NCOR1: variants seen among roughly 807,000 people sequenced by gnomAD.
NCOR1 encodes the protein protein phosphatase 1, regulatory subunit 109.
Under a neutral mutation model 288.1 loss-of-function variants are expected in NCOR1, and 63 were observed. That is an observed-to-expected ratio of 0.22 (90% CI 0.18 to 0.27). The LOEUF (loss-of-function observed/expected upper bound fraction) is 0.27, where lower values mean the gene tolerates loss of function less well. NCOR1 is among the 10% of genes least tolerant of loss of function. NCOR1 has a pLI of 1.00. For missense variants in NCOR1, 2,397 were observed against 3,019.2 expected (o/e 0.79, Z 4.83); for synonymous variants, 1,007 against 1,065.9 (o/e 0.94, Z 1.08).
intron 42 of NCOR1, among the ~76,000 whole-genome samples, chr17:16,043,438 G>A (rs2058098200): frequency 6.6e-6 from 1 of 152,168 alleles, no homozygotes; most frequent in Non-Finnish European, 1.5e-5. Flanking sequence ...AAGCAATTCT[G>A]TTAGTACTTC....
At chr17:16,203,461 C>T (rs1432264946) in intron 1 of NCOR1, among the ~76,000 whole-genome samples, 1 of 152,166 alleles carries the variant, frequency 6.6e-6, no homozygotes, top group African/African-American at 2.4e-5. Flanking sequence ...AGGTGGCTAG[C>T]TCCTCCTCAA....
At chr17:16,073,891 T>C (rs1444767326) in intron 27 of NCOR1, among the ~76,000 whole-genome samples, 5 of 152,204 alleles carry the variant, frequency 3.3e-5, no homozygotes, top group African/African-American at 4.8e-5. Flanking sequence ...TAATGTGCTA[T>C]GAAAATGCTA....
intron 45 of NCOR1, among the ~76,000 whole-genome samples, chr17:16,032,725 G>T (rs540089284): frequency 1.3e-5 from 2 of 152,354 alleles, no homozygotes; most frequent in South Asian, 4.1e-4. Flanking sequence ...AGTGAGGGCT[G>T]CTGAGCCCAG....
At chr17:16,193,672 C>T (rs1309748706) in intron 2 of NCOR1, among the ~76,000 whole-genome samples, 1 of 152,140 alleles carries the variant, frequency 6.6e-6, no homozygotes, top group Non-Finnish European at 1.5e-5. Flanking sequence ...CAGAAAGCAA[C>T]CTCTTCAACC....
Position 16,039,508 on chromosome 17 carries a change from G to C in NCOR1, c.6880C>G (p.Pro2294Ala). 6.2e-7 allele frequency: 1 copy of C among 1,614,022 alleles called. No individual in the cohort carries two copies. The highest frequency in any genetic ancestry group is 8.5e-7 in the Non-Finnish European group (1 of 1,179,990). Reference sequence around the variant, plus strand: ...ACAACTGAGGTGTTGGCAGTACCAGGCACTACTCCCATAGGCTGGGACATG... The same window carrying C: ...ACAACTGAGGTGTTGGCAGTACCAGCCACTACTCCCATAGGCTGGGACATG... ...VVMSQPMGVV[P>A]GTANTSVVTS... Residue 2294 changes from proline to alanine, a missense_variant, in exon 44 of 46, where the codon CCT becomes GCT. This residue lies in a region of NCOR1 where 1,872 missense variants were observed against 2,187.8 expected (regional missense o/e 0.86). Coordinates refer to ENST00000268712, the MANE Select transcript of NCOR1 (RefSeq NM_006311.4).
At chr17:16,109,491 CT>C in intron 18 of NCOR1, among the ~76,000 whole-genome samples, 1 of 152,106 alleles carries the variant, frequency 6.6e-6, no homozygotes, top group East Asian at 1.9e-4. Flanking sequence ...GAACATATCA[CT>C]GTTACAAATT....
Position 16,093,025 on chromosome 17 carries a change from T to C in NCOR1, c.2821-967A>G, listed in dbSNP as rs185627319. ...GGCAGATCACATCCATTTATGTTGA[T>C]TTAAATGTCATCCATTTGTTAATGA... On this transcript the variant is annotated intron_variant, in intron 21 of 45. Transcript: ENST00000268712. Among the ~76,000 whole-genome samples the C allele has an allele frequency of 4.1e-3, 626 of 152,126 alleles. 7 individuals are homozygous for C. Among genetic ancestry groups the C allele is most frequent in the African/African-American group, 0.015 (604 of 41,516 alleles).
intron 19 of NCOR1, 96 bp downstream of exon 19, chr17:16,108,690 G>C: frequency 9.6e-7 from 1 of 1,037,954 alleles, no homozygotes; most frequent in African/African-American, 1.6e-5. Flanking sequence ...CTGGCACACT[G>C]TTTCCTCAAT....
chr17:16,033,083 C>A (rs568008213), intron 45 of NCOR1, among the ~76,000 whole-genome samples: 1 of 152,278 alleles, frequency 6.6e-6, no homozygotes, highest in African/African-American at 2.4e-5. Context: ...CAGTGGCTCA[C>A]GCCTGTAATC....
At chr17:16,106,654 T>A (rs1171151971) in intron 19 of NCOR1, among the ~76,000 whole-genome samples, 2 of 151,870 alleles carry the variant, frequency 1.3e-5, no homozygotes, top group East Asian at 3.9e-4. Context: ...ATCTGTGCTG[T>A]CTCATTGAGA....
chr17:16,073,651 T>G, intron 27 of NCOR1, 82 bp from the exon 28 acceptor site: 1 of 1,121,192 alleles, frequency 8.9e-7, no homozygotes. Context: ...TCATAGTCTA[T>G]CTTATAAAAA....
At position 16,172,099 on chromosome 17, in the gene NCOR1, G is replaced by T; in HGVS notation, c.243-104C>A. 6.3e-6 allele frequency: 6 copies of T among 948,792 alleles called. No individual in the cohort carries two copies. In the South Asian group the frequency reaches 1.1e-4, roughly 18 times the overall value. 58.8% of individuals were successfully genotyped at this position (948,792 alleles called of 1,614,324 possible). A position where few individuals can be genotyped will look rare whatever the true frequency, so the allele number is the denominator to read the frequency against. Reference sequence around the variant, plus strand: ...TTGAAATAACAAATGAAAAAGTCATGCTTACATTCAAAGTGAATCCGTACC... The same window carrying T: ...TTGAAATAACAAATGAAAAAGTCATTCTTACATTCAAAGTGAATCCGTACC... On this transcript the variant is annotated intron_variant, in intron 3 of 45. Transcript: ENST00000268712.
At chr17:16,149,292 C>CATATATATATATATATATAT (rs34511605) in intron 9 of NCOR1, among the ~76,000 whole-genome samples, 159 bp downstream of exon 9, 62 of 137,940 alleles carry the variant, frequency 4.5e-4, no homozygotes, top group African/African-American at 7.3e-4. Flanking sequence ...AGATTTAAGT[C>CATATATATATATATATATAT]ATATATATAT....
At chr17:16,214,973 T>C (rs904955794) in intron 1 of NCOR1, among the ~76,000 whole-genome samples, 1 of 152,122 alleles carries the variant, frequency 6.6e-6, no homozygotes, top group African/African-American at 2.4e-5. Flanking sequence ...GGCCACCAAC[T>C]CCGCCTCAGT....
chr17:16,091,479 C>T (rs2065169342), intron 22 of NCOR1: 3 of 814,972 alleles, frequency 3.7e-6, no homozygotes, highest in Non-Finnish European at 4.6e-6. Context: ...TTGTGTCTCT[C>T]ATCTACCAGA....
In NCOR1 at chr17:16,034,986, C is replaced by A. The variant is rs1238686253; in HGVS notation, c.6956-42G>T. 1.9e-6 allele frequency: 3 copies of A among 1,575,702 alleles called. No homozygotes were observed. In the South Asian group the frequency reaches 3.4e-5, roughly 18 times the overall value. On this transcript the variant is annotated intron_variant, in intron 44 of 45. Coordinates refer to ENST00000268712, the MANE Select transcript of NCOR1 (RefSeq NM_006311.4). ...AGTTAAAGTATTAATATATTAAGTTCTCAAAAATTACCAAAATGCTAATGA... is the reference window on the plus strand; with the variant it reads ...AGTTAAAGTATTAATATATTAAGTTATCAAAAATTACCAAAATGCTAATGA...
chr17:16,044,900 A>C (rs902612216), intron 42 of NCOR1: 2 of 714,140 alleles, frequency 2.8e-6, no homozygotes, highest in Non-Finnish European at 5.0e-6. Context: ...AGAAAGTGGA[A>C]GCAAACAAAG....
At chr17:16,086,670 CT>C (rs2152866132) in intron 22 of NCOR1, among the ~76,000 whole-genome samples, 1 of 152,298 alleles carries the variant, frequency 6.6e-6, no homozygotes, top group Non-Finnish European at 1.5e-5. Flanking sequence ...CAAACCACAG[CT>C]TTCAAGCTGA....
chr17:16,058,387 C>A (rs1248702367), intron 38 of NCOR1, 84 bp downstream of exon 38: 1 of 1,485,248 alleles, frequency 6.7e-7, no homozygotes, highest in African/African-American at 1.4e-5. Flanking sequence ...CAAGTTAATT[C>A]TTACTATGGT....
Sources: allele counts gnomAD v4.1 joint callset (sites outside exome capture counted in the v4.1 genomes callset), GRCh38; gene constraint gnomAD v4.1.1; regional missense constraint gnomAD v4.1.1; transcripts MANE v1.5; gene names NCBI Gene and HGNC (gene_info 2026-07-23, HGNC 2026-07-21).